Variants in MAPK8IP2 observed in about 807,000 individuals in gnomAD.
MAPK8IP2 encodes mitogen-activated protein kinase 8 interacting protein 2.
In MAPK8IP2, 15 loss-of-function variants were observed where a neutral mutation model predicts 75.6. The observed-to-expected ratio is 0.20, with a 90% CI of 0.13 to 0.31. MAPK8IP2 has a LOEUF of 0.31. Ranked by LOEUF, MAPK8IP2 falls within the 10% of genes least tolerant of loss-of-function variation. MAPK8IP2 has a pLI of 1.00. For synonymous variants in MAPK8IP2, 632 were observed against 554.5 expected (o/e 1.14, Z -1.96); for missense variants, 1,089 against 1,211.2 (o/e 0.90, Z 1.50).
chr22:50,604,493 GGCGGCCGCGGGGCCCGGCGGC>G lies in MAPK8IP2; in HGVS notation c.1196_1216del (p.Ala399_Gly405del). The stretch of plus-strand genomic sequence containing the variant: ...CCGCCCAGGACTCCCAGGACCCCGA[GGCGGCCGCGGGGCCCGGCGGC>G]GTGGAGCTGGTGGACATGGAGACGC... On this transcript the variant is annotated inframe_deletion, in exon 5 of 12. Coordinates refer to ENST00000329492, the MANE Select transcript of MAPK8IP2 (RefSeq NM_012324.6). 1 of 1,242,484 alleles carries G rather than the reference GGCGGCCGCGGGGCCCGGCGGC, an allele frequency of 8.0e-7. No individual in the cohort carries two copies. Among genetic ancestry groups the G allele is most frequent in the Non-Finnish European group, 1.0e-6 (1 of 996,108 alleles). The allele number at this position is 1,242,484 out of a possible 1,614,324, so 77.0% of individuals were successfully genotyped here. A position where few individuals can be genotyped will look rare whatever the true frequency, so the allele number is the denominator to read the frequency against.
Position 50,605,419 on chromosome 22 carries a change from A to G in MAPK8IP2, c.1817A>G (p.Glu606Gly), listed in dbSNP as rs781223670. The stretch of plus-strand genomic sequence containing the variant: ...TGTCTGGTCAACGGCGAGGAGCGAG[A>G]GCAGACTCACCGGGCTGTGTTCAGG... ...FSCLVNGEER[E>G]QTHRAVFRFI... is the part of the protein sequence containing the mutation. The change falls in exon 6 of 12, where the codon GAG (glutamate) becomes GGG (glycine). Residue 606 changes from glutamate (E) to glycine (G), a missense_variant. By Grantham distance (98) the Glu-to-Gly change is moderately conservative (BLOSUM62 -2). Transcript: ENST00000329492. The G allele has an allele frequency of 6.2e-7, 1 of 1,613,598 alleles. No homozygotes were observed. Among genetic ancestry groups the G allele is most frequent in the South Asian group, 1.1e-5 (1 of 91,072 alleles).
rs1270946598 is a variant in MAPK8IP2 at position 50,613,878 on chromosome 22, G to A, written c.*3099G>A. ...ACCTTAGGTCCTCCCAGAACCTGGC[G>A]GATCGCCTGGCTCCCAGGCAGGAGG... On this transcript the variant is annotated 3_prime_UTR_variant, in exon 12 of 12. Transcript: ENST00000329492. The A allele has an allele frequency of 6.6e-6, 1 of 152,232 alleles. No individual in the cohort carries two copies. The highest frequency in any genetic ancestry group is 1.5e-5 in the Non-Finnish European group (1 of 68,042). 9.4% of individuals were successfully genotyped at this position (152,232 alleles called of 1,614,324 possible). A position where few individuals can be genotyped will look rare whatever the true frequency, so the allele number is the denominator to read the frequency against.
In MAPK8IP2 at chr22:50,605,639, T is replaced by C; in HGVS notation, c.1919T>C (p.Phe640Ser). 1 of 1,612,224 alleles carries C rather than the reference T, an allele frequency of 6.2e-7. No individual in the cohort carries two copies. Among genetic ancestry groups the C allele is most frequent in the Non-Finnish European group, 8.5e-7 (1 of 1,179,528 alleles). Residue 640 changes from phenylalanine to serine, a missense_variant, in exon 7 of 12, where the codon TTC (phenylalanine) becomes TCC (serine). Coordinates refer to ENST00000329492, the MANE Select transcript of MAPK8IP2 (RefSeq NM_012324.6). Reference protein sequence around the residue: ...PVLVEAEEDDFWFRGFNMRTG... With the variant: ...PVLVEAEEDDSWFRGFNMRTG... ...TTGGTGGAGGCCGAGGAGGACGACT[T>C]CTGGTTCCGTGGCTTCAACATGCGC... is the stretch of plus-strand genomic sequence containing the variant.
rs1280049700 is a variant in MAPK8IP2, at chr22:50,604,418, G to A, written c.1119G>A (p.Leu373=). ...CCATCCGCTGCCCCGGCCAGTGCCT[G>A]TCTCCTGCGCCGCGCCCGCCCGGGG... ...SSPIRCPGQC[L]SPAPRPPGEP... Residue 373 remains leucine, a synonymous_variant, in exon 5 of 12, where the codon CTG becomes CTA. Coordinates refer to ENST00000329492, the MANE Select transcript of MAPK8IP2 (RefSeq NM_012324.6). The A allele has an allele frequency of 2.2e-5, 33 of 1,498,230 alleles. No homozygotes were observed. The highest frequency in any genetic ancestry group is 2.8e-5 in the Non-Finnish European group (32 of 1,128,520). 92.8% of individuals were successfully genotyped at this position (1,498,230 alleles called of 1,614,324 possible).
In MAPK8IP2 at chr22:50,605,663, G is replaced by A. The variant is rs1189803875; in HGVS notation, c.1943G>A (p.Arg648His). The A allele has an allele frequency of 2.5e-6, 4 of 1,612,414 alleles. No homozygotes were observed. The highest frequency in any genetic ancestry group is 2.5e-6 in the Non-Finnish European group (3 of 1,179,636). Residue 648 changes from arginine to histidine, a missense_variant, in exon 7 of 12, where the codon CGC becomes CAC. By Grantham distance (29) the Arg-to-His change is conservative (BLOSUM62 0). This residue lies in a region of MAPK8IP2 where 960 missense variants were observed against 1,009.6 expected (regional missense o/e 0.95). Transcript: ENST00000329492. ...TTCTGGTTCCGTGGCTTCAACATGC[G>A]CACGGGGGAGCGCGGTGTGTTTCCT... ...DDFWFRGFNM[R>H]TGERGVFPAF...
At position 50,604,564 on chromosome 22, in the gene MAPK8IP2, C is replaced by A; in HGVS notation, c.1265C>A (p.Pro422His). ...CTGTGCGCGCCGCCGCCGCCCGCGCCCGCCGCGCCTCGACCCGGCCCCGCG... is the reference window on the plus strand; with the variant it reads ...CTGTGCGCGCCGCCGCCGCCCGCGCACGCCGCGCCTCGACCCGGCCCCGCG... ...ETLCAPPPPAPAAPRPGPAQP... is the reference protein window; with the variant it reads ...ETLCAPPPPAHAAPRPGPAQP... Residue 422 changes from proline to histidine, a missense_variant, in exon 5 of 12, where the codon CCC (proline) becomes CAC (histidine). Around this residue, in one of 2 missense-constraint regions of MAPK8IP2, gnomAD observed 960 missense variants for 1,009.6 expected, o/e 0.95. Transcript: ENST00000329492. The A allele has an allele frequency of 8.5e-7, 1 of 1,174,676 alleles. No homozygotes were observed. Among genetic ancestry groups the A allele is most frequent in the Non-Finnish European group, 1.0e-6 (1 of 955,482 alleles). 72.8% of individuals were successfully genotyped at this position (1,174,676 alleles called of 1,614,324 possible). A position where few individuals can be genotyped will look rare whatever the true frequency, so the allele number is the denominator to read the frequency against.
chr22:50,605,637 C>A lies in MAPK8IP2; in HGVS notation c.1917C>A (p.Asp639Glu). ...TGTTGGTGGAGGCCGAGGAGGACGACTTCTGGTTCCGTGGCTTCAACATGC... is the reference window on the plus strand; with the variant it reads ...TGTTGGTGGAGGCCGAGGAGGACGAATTCTGGTTCCGTGGCTTCAACATGC... ...DPVLVEAEED[D>E]FWFRGFNMRT... The change falls in exon 7 of 12, where the codon GAC becomes GAA. Residue 639 changes from aspartate (D) to glutamate (E), a missense_variant. Around this residue, in one of 2 missense-constraint regions of MAPK8IP2, gnomAD observed 960 missense variants for 1,009.6 expected, o/e 0.95. Coordinates refer to ENST00000329492, the MANE Select transcript of MAPK8IP2 (RefSeq NM_012324.6). 6.2e-7 allele frequency: 1 copy of A among 1,612,172 alleles called. No individual in the cohort carries two copies. The highest frequency in any genetic ancestry group is 8.5e-7 in the Non-Finnish European group (1 of 1,179,480).
intron 2 of MAPK8IP2, among the ~76,000 whole-genome samples, chr22:50,602,294 G>A (rs2070951735): frequency 6.6e-6 from 1 of 152,200 alleles, no homozygotes; most frequent in Non-Finnish European, 1.5e-5. Flanking sequence ...GTCTCCCCCT[G>A]CTGAAATCTT....
intron 1 of MAPK8IP2, 72 bp from the exon 2 acceptor site, chr22:50,601,717 C>A: frequency 1.7e-6 from 2 of 1,154,394 alleles, no homozygotes; most frequent in Non-Finnish European, 2.6e-6. Context: ...CCTCCCTCTG[C>A]CCCTCCTCAG....
rs2071012803 is a variant in MAPK8IP2, at chr22:50,604,700, C to T, written c.1401C>T (p.Cys467=). 2 of 1,526,966 alleles carry T rather than the reference C, an allele frequency of 1.3e-6. No homozygotes were observed. Among genetic ancestry groups the T allele is most frequent in the Non-Finnish European group, 1.8e-6 (2 of 1,138,738 alleles). The allele number at this position is 1,526,966 out of a possible 1,614,324, so 94.6% of individuals were successfully genotyped here. A position where few individuals can be genotyped will look rare whatever the true frequency, so the allele number is the denominator to read the frequency against. ...ARPGRACSAA[C]SEEEDEEDDE... ...CGGGACGAGCCTGCTCCGCCGCCTG[C>T]TCCGAGGAGGAGGACGAAGAGGACG... Residue 467 remains cysteine (C), a synonymous_variant, in exon 5 of 12, where the codon TGC becomes TGT. Coordinates refer to ENST00000329492, the MANE Select transcript of MAPK8IP2 (RefSeq NM_012324.6).
chr22:50,600,894 C>A lies in MAPK8IP2; in HGVS notation c.65+11C>A, dbSNP rs747844144. ...GCCGCCGGGCTGCAGGTACCCCCCT[C>A]GGCGCCCGGGCCGGGCGGACCCTCC... On this transcript the variant is annotated intron_variant, in intron 1 of 11. Coordinates refer to ENST00000329492, the MANE Select transcript of MAPK8IP2 (RefSeq NM_012324.6). The A allele has an allele frequency of 1.6e-6, 2 of 1,241,188 alleles. No homozygotes were observed. The highest frequency in any genetic ancestry group is 3.1e-5 in the South Asian group (2 of 65,266). The allele number at this position is 1,241,188 out of a possible 1,614,324, so 76.9% of individuals were successfully genotyped here.
intron 1 of MAPK8IP2, 44 bp from the exon 2 acceptor site, chr22:50,601,745 G>A: frequency 2.7e-6 from 4 of 1,499,434 alleles, no homozygotes; most frequent in South Asian, 1.1e-5. Flanking sequence ...TGCCAGGCAG[G>A]GAGTCCAGGG....
intron 1 of MAPK8IP2, chr22:50,601,479 C>CCGTATCATTAA: frequency 9.4e-6 from 3 of 317,708 alleles, no homozygotes; most frequent in South Asian, 8.2e-5. Context: ...CCCTGCTCTG[C>CCGTATCATTAA]AAGACCCTGA....
chr22:50,611,664 G>C lies in MAPK8IP2; in HGVS notation c.*885G>C, dbSNP rs925465976. The C allele has an allele frequency of 3.3e-5, 5 of 152,322 alleles. No individual in the cohort carries two copies. Among genetic ancestry groups the C allele is most frequent in the African/African-American group, 1.2e-4 (5 of 41,436 alleles). The allele number at this position is 152,322 out of a possible 1,614,324, so 9.4% of individuals were successfully genotyped here. A position where few individuals can be genotyped will look rare whatever the true frequency, so the allele number is the denominator to read the frequency against. Reference sequence around the variant, plus strand: ...GTGTTGTGGCAATCTCACCCTTTTAGCTCTTTCCGAAATTGTGCCGGGGGT... The same window carrying C: ...GTGTTGTGGCAATCTCACCCTTTTACCTCTTTCCGAAATTGTGCCGGGGGT... On this transcript the variant is annotated 3_prime_UTR_variant, in exon 12 of 12. Coordinates refer to ENST00000329492, the MANE Select transcript of MAPK8IP2 (RefSeq NM_012324.6). The surrounding 1 kb of genome is among the most constrained non-coding windows in gnomAD (Gnocchi z 5.5).
chr22:50,605,565 C>T lies in MAPK8IP2; in HGVS notation c.1845C>T (p.Phe615=), dbSNP rs1293083374. The T allele has an allele frequency of 1.9e-6, 3 of 1,562,920 alleles. No homozygotes were observed. The highest frequency in any genetic ancestry group is 2.3e-5 in the South Asian group (2 of 86,842). The change falls in exon 7 of 12, where the codon TTC becomes TTT. Residue 615 remains phenylalanine (F), a synonymous_variant. Transcript: ENST00000329492. ...REQTHRAVFR[F]IPRHPDELEL... ...GTGACCTCTCCCCCAACGGCAGGTT[C>T]ATCCCGCGGCATCCAGACGAGCTGG...
chr22:50,601,493 C>G (rs552288693), intron 1 of MAPK8IP2: 14 of 366,880 alleles, frequency 3.8e-5, no homozygotes, highest in African/African-American at 6.2e-5. Context: ...ACCCTGACCC[C>G]AGGGGCCTGG....
chr22:50,605,284 G>A, intron 5 of MAPK8IP2, 84 bp from the exon 6 acceptor site: 1 of 1,359,272 alleles, frequency 7.4e-7, no homozygotes, highest in Non-Finnish European at 1.0e-6. Flanking sequence ...AGGGGACTTG[G>A]CCTCTGCCCA....
chr22:50,601,748 G>C, intron 1 of MAPK8IP2, 41 bp from the exon 2 acceptor site: 1 of 1,532,560 alleles, frequency 6.5e-7, no homozygotes, highest in Middle Eastern at 2.0e-4. Flanking sequence ...CAGGCAGGGA[G>C]TCCAGGGTTG....
At chr22:50,602,445 T>C (rs985230847) in intron 2 of MAPK8IP2, among the ~76,000 whole-genome samples, 3 of 152,236 alleles carry the variant, frequency 2.0e-5, no homozygotes, top group Non-Finnish European at 4.4e-5. Flanking sequence ...ACAGCTGCTC[T>C]CTGGAGCTGC....
Sources: allele counts gnomAD v4.1 joint callset (sites outside exome capture counted in the v4.1 genomes callset), GRCh38; gene constraint gnomAD v4.1.1; regional missense constraint gnomAD v4.1.1; non-coding constraint Gnocchi (gnomAD v3.1); transcripts MANE v1.5; gene names NCBI Gene and HGNC (gene_info 2026-07-23, HGNC 2026-07-21).